Variants in STX1A observed in about 807,000 individuals in gnomAD.
STX1A encodes the protein syntaxin 1A, also known as syntaxin-1A.
STX1A carries 4 observed loss-of-function variants against 37.8 expected under a neutral mutation model. The ratio of observed to expected loss-of-function variants is 0.11; its 90% CI spans 0.05 to 0.24. The LOEUF is 0.24. Ranked by LOEUF, STX1A falls within the 10% of genes least tolerant of loss-of-function variation. The probability of loss-of-function intolerance (pLI) is 1.00; values close to 1 mark genes in which losing one functional copy is unlikely to be tolerated. For missense variants in STX1A, 251 were observed against 399.9 expected, an observed-to-expected ratio of 0.63 and a Z score of 3.18; for synonymous variants, 135 against 147.4, an observed-to-expected ratio of 0.92 and a Z score of 0.61.
intron 1 of STX1A, among the ~76,000 whole-genome samples, chr7:73,715,248 C>G (rs1279670522): frequency 2.6e-5 from 4 of 152,070 alleles, no homozygotes; most frequent in South Asian, 2.1e-4. Flanking sequence ...ATGGTGAAAC[C>G]CCGTTGCTAC....
At chr7:73,714,981 C>T (rs1237579566) in intron 1 of STX1A, among the ~76,000 whole-genome samples, 4 of 152,044 alleles carry the variant, frequency 2.6e-5, no homozygotes, top group Admixed American at 6.6e-5. Context: ...AAAAATTAGC[C>T]GGGTGTGATG....
In STX1A at chr7:73,702,959, C is replaced by G. The variant is rs1244311519; in HGVS notation, c.564G>C (p.Ser188=). ...ASGIIMDSSI[S]KQALSEIETR... The stretch of plus-strand genomic sequence containing the variant: ...TCTCAATCTCGCTCAGAGCCTGCTT[C>G]GAGATGCTGGAGTCCATGATGATCT... Residue 188 remains serine, a synonymous_variant, in exon 8 of 10, where the codon TCG becomes TCC. Transcript: ENST00000222812. The surrounding 1 kb of genome is among the most constrained non-coding windows in gnomAD (Gnocchi z 4.7). 1.2e-6 allele frequency: 2 copies of G among 1,605,944 alleles called. No homozygotes were observed. Among genetic ancestry groups the G allele is most frequent in the Non-Finnish European group, 1.7e-6 (2 of 1,177,372 alleles).
At position 73,700,611 on chromosome 7, in the gene STX1A, G is replaced by T; in HGVS notation, c.789+119C>A. ...CAGGGGAAGGTGACGGCCTGGGAGG[G>T]GGCTGTCATGGGGAGCTCCTGAGAG... On this transcript the variant is annotated intron_variant, in intron 9 of 9. Coordinates refer to ENST00000222812, the MANE Select transcript of STX1A (RefSeq NM_004603.4). This position sits in a 1 kb window ranked among gnomAD's most constrained non-coding sequence, Gnocchi z 4.4. 6.7e-7 allele frequency: 1 copy of T among 1,492,648 alleles called. No individual in the cohort carries two copies. The highest frequency in any genetic ancestry group is 9.1e-7 in the Non-Finnish European group (1 of 1,093,586). The allele number at this position is 1,492,648 out of a possible 1,614,324, so 92.5% of individuals were successfully genotyped here. A position where few individuals can be genotyped will look rare whatever the true frequency, so the allele number is the denominator to read the frequency against.
At chr7:73,719,562 C>T in intron 1 of STX1A, 40 bp downstream of exon 1, 2 of 1,204,734 alleles carry the variant, frequency 1.7e-6, no homozygotes. Flanking sequence ...TTGGCGCTGG[C>T]GGCGGGCGGC....
chr7:73,706,212 C>T lies in STX1A; in HGVS notation c.209-988G>A, dbSNP rs563518333. Among the ~76,000 whole-genome samples the T allele has an allele frequency of 3.9e-5, 6 of 152,140 alleles. No homozygotes were observed. The highest frequency in any genetic ancestry group is 7.4e-5 in the Non-Finnish European group (5 of 67,966). ...TGAGAGTGGTCTATCAGGAAGGCCC[C>T]GGATGGGGTCACCTCCCAAGTGGAA... On this transcript the variant is annotated intron_variant, in intron 3 of 9. Transcript: ENST00000222812. This position sits in a 1 kb window ranked among gnomAD's most constrained non-coding sequence, Gnocchi z 4.6.
rs782762786 is a variant in STX1A at position 73,700,609 on chromosome 7, G to C, written c.789+121C>G. 1.1e-5 allele frequency: 17 copies of C among 1,499,388 alleles called. No individual in the cohort carries two copies. Among genetic ancestry groups the C allele is most frequent in the Non-Finnish European group, 1.5e-5 (17 of 1,099,174 alleles). 92.9% of individuals were successfully genotyped at this position (1,499,388 alleles called of 1,614,324 possible). A position where few individuals can be genotyped will look rare whatever the true frequency, so the allele number is the denominator to read the frequency against. ...AGCAGGGGAAGGTGACGGCCTGGGA[G>C]GGGGCTGTCATGGGGAGCTCCTGAG... On this transcript the variant is annotated intron_variant, in intron 9 of 9. Transcript: ENST00000222812. This position sits in a 1 kb window ranked among gnomAD's most constrained non-coding sequence, Gnocchi z 4.4.
In STX1A at chr7:73,700,873, G is replaced by T; in HGVS notation, c.679-33C>A. 1 of 1,610,098 alleles carries T rather than the reference G, an allele frequency of 6.2e-7. No homozygotes were observed. Among genetic ancestry groups the T allele is most frequent in the Non-Finnish European group, 8.5e-7 (1 of 1,179,746 alleles). ...GCCGGGGGCACCCGAGCTCCAGAGG[G>T]CCCCCTCCTCAGGGTTGGGTTGGGG... On this transcript the variant is annotated intron_variant, in intron 8 of 9. Transcript: ENST00000222812. The surrounding 1 kb of genome is among the most constrained non-coding windows in gnomAD (Gnocchi z 4.4).
intron 3 of STX1A, 109 bp downstream of exon 3, chr7:73,708,480 T>A: frequency 2.8e-6 from 3 of 1,068,342 alleles, no homozygotes; most frequent in South Asian, 1.4e-5. Context: ...CAGACACTCC[T>A]AAGCCCACCA....
At chr7:73,712,046 A>G (rs1205075748) in intron 1 of STX1A, among the ~76,000 whole-genome samples, 2 of 152,014 alleles carry the variant, frequency 1.3e-5, no homozygotes, top group African/African-American at 2.4e-5. Flanking sequence ...CTATGAGGGT[A>G]GGGCTGGGGA....
Position 73,718,972 on chromosome 7 carries a change from C to G in STX1A, c.30+630G>C, listed in dbSNP as rs901954453. Among the ~76,000 whole-genome samples, 41 of 148,654 alleles carry G rather than the reference C, an allele frequency of 2.8e-4. 1 individual carries two copies. Among genetic ancestry groups the G allele is most frequent in the African/African-American group, 9.9e-4 (40 of 40,242 alleles). ...GGGGCGGGTGTGACGCCCCCCCCCC[C>G]ATACCTGGGGCGGGCAGTGGATCCC... On this transcript the variant is annotated intron_variant, in intron 1 of 9. Transcript: ENST00000222812.
At position 73,708,986 on chromosome 7, in the gene STX1A, G is replaced by A. The variant is rs373848827; in HGVS notation, c.108+59C>T. The A allele has an allele frequency of 1.0e-4, 160 of 1,587,384 alleles. No individual in the cohort carries two copies. In the African/African-American group the frequency reaches 1.7e-3, roughly 17 times the overall value. On this transcript the variant is annotated intron_variant, in intron 2 of 9. Transcript: ENST00000222812. The stretch of plus-strand genomic sequence containing the variant: ...AGAGCACTGAACCTGGCTCAGAGGC[G>A]AGAGTGGCCCCCCAAGTTCTGCCAG...
chr7:73,714,233 C>T (rs1175219695), intron 1 of STX1A, among the ~76,000 whole-genome samples: 1 of 151,922 alleles, frequency 6.6e-6, no homozygotes, highest in Non-Finnish European at 1.5e-5. Flanking sequence ...CTCAGCCTCC[C>T]GAGTAGCTGG....
chr7:73,712,492 C>T (rs1294173352), intron 1 of STX1A, among the ~76,000 whole-genome samples: 1 of 152,022 alleles, frequency 6.6e-6, no homozygotes, highest in African/African-American at 2.4e-5. Flanking sequence ...CAGTATCTCG[C>T]ACCTTGTTCT....
Position 73,700,306 on chromosome 7 carries a change from G to T in STX1A, c.*101C>A. ...TGGGGGCCGGGAGGGAGGGTGCTCT[G>T]AGCCAGAGGCGGGGGTTGGGAGGGC... is the stretch of plus-strand genomic sequence containing the variant. On this transcript the variant is annotated 3_prime_UTR_variant, in exon 10 of 10. Coordinates refer to ENST00000222812, the MANE Select transcript of STX1A (RefSeq NM_004603.4). This position sits in a 1 kb window ranked among gnomAD's most constrained non-coding sequence, Gnocchi z 4.4. 8.4e-7 allele frequency: 1 copy of T among 1,186,722 alleles called. No individual in the cohort carries two copies. The highest frequency in any genetic ancestry group is 1.2e-6 in the Non-Finnish European group (1 of 806,120). 73.5% of individuals were successfully genotyped at this position (1,186,722 alleles called of 1,614,324 possible). A position where few individuals can be genotyped will look rare whatever the true frequency, so the allele number is the denominator to read the frequency against.
At position 73,699,364 on chromosome 7, in the gene STX1A, G is replaced by C. The variant is rs1798563185; in HGVS notation, c.*1043C>G. The C allele has an allele frequency of 6.6e-6, 1 of 152,652 alleles. No individual in the cohort carries two copies. Among genetic ancestry groups the C allele is most frequent in the African/African-American group, 2.4e-5 (1 of 41,440 alleles). The allele number at this position is 152,652 out of a possible 1,614,324, so 9.5% of individuals were successfully genotyped here. On this transcript the variant is annotated 3_prime_UTR_variant, in exon 10 of 10. Transcript: ENST00000222812. ...TGGGCAGGAGTAAAGCCGAGGGAGGGTGGGGCACACGGACACGGCCCCATC... is the reference window on the plus strand; with the variant it reads ...TGGGCAGGAGTAAAGCCGAGGGAGGCTGGGGCACACGGACACGGCCCCATC...
intron 1 of STX1A, among the ~76,000 whole-genome samples, chr7:73,713,381 G>A (rs1799173096): frequency 6.6e-6 from 1 of 152,192 alleles, no homozygotes; most frequent in Non-Finnish European, 1.5e-5. Context: ...AGGTGATGTG[G>A]CTACCCTGGC....
chr7:73,719,517 T>C (rs1451527975), intron 1 of STX1A, 85 bp downstream of exon 1: 2 of 1,163,648 alleles, frequency 1.7e-6, no homozygotes, highest in African/African-American at 3.2e-5. Flanking sequence ...GCCACCATCC[T>C]GGCCGCGGGA....
chr7:73,703,931 C>T, intron 6 of STX1A, 103 bp from the exon 7 acceptor site: 2 of 1,365,450 alleles, frequency 1.5e-6, no homozygotes, highest in East Asian at 5.0e-5. Context: ...CCCCCCAGCC[C>T]CGAGCTCAGC....
chr7:73,715,759 C>T (rs1318854156), intron 1 of STX1A, among the ~76,000 whole-genome samples: 2 of 152,204 alleles, frequency 1.3e-5, no homozygotes, highest in Non-Finnish European at 2.9e-5. Context: ...TTGTCTGCCT[C>T]GAGGGCTATT....
Sources: gnomAD v4.1 joint callset for allele counts (sites outside exome capture counted in the v4.1 genomes callset) on GRCh38, gnomAD v4.1.1 for gene constraint, Gnocchi (gnomAD v3.1) non-coding constraint, MANE v1.5 for transcripts, NCBI Gene and HGNC (gene_info 2026-07-23, HGNC 2026-07-21) for gene names.